Variants in ENTREP2 observed in about 807,000 individuals in gnomAD.
ENTREP2 encodes protein ENTREP2.
chr15:29,120,511 CT>C, the ENTREP2 span: 44 of 152,316 alleles, frequency 2.9e-4, no homozygotes, highest in Non-Finnish European at 6.0e-4. Flanking sequence ...ACCTGAAGTC[CT>C]TGCGGATGAT....
chr15:29,126,109 C>T, the ENTREP2 span, among the ~76,000 whole-genome samples: 1 of 152,046 alleles, frequency 6.6e-6, no homozygotes, highest in Non-Finnish European at 1.5e-5. Flanking sequence ...CTGCTCCCCA[C>T]CCACCCCTGG....
chr15:29,508,534 A>G, the ENTREP2 span, among the ~76,000 whole-genome samples: 1 of 152,216 alleles, frequency 6.6e-6, no homozygotes, highest in African/African-American at 2.4e-5. Flanking sequence ...GCAGCACATT[A>G]AAAAGCTTAT....
chr15:29,312,949 G>T, the ENTREP2 span, among the ~76,000 whole-genome samples: 1 of 152,180 alleles, frequency 6.6e-6, no homozygotes, highest in East Asian at 1.9e-4. Flanking sequence ...CAAAGGAAAA[G>T]TTCTCGAAGG....
At chr15:29,480,629 T>A in the ENTREP2 span, among the ~76,000 whole-genome samples, 1 of 152,098 alleles carries the variant, frequency 6.6e-6, no homozygotes, top group African/African-American at 2.4e-5. Flanking sequence ...CACTCTCCCA[T>A]GTCCCAGCAG....
the ENTREP2 span, among the ~76,000 whole-genome samples, chr15:29,163,990 G>C: frequency 6.6e-6 from 1 of 152,198 alleles, no homozygotes; most frequent in Non-Finnish European, 1.5e-5. Flanking sequence ...CTACAAGCTA[G>C]AAGGGATTGG....
the ENTREP2 span, among the ~76,000 whole-genome samples, chr15:29,176,434 A>G: frequency 1.8e-4 from 27 of 152,282 alleles, no homozygotes; most frequent in Non-Finnish European, 3.4e-4. Context: ...GATGGTGACA[A>G]TAATTTTAAG....
the ENTREP2 span, among the ~76,000 whole-genome samples, chr15:29,553,133 T>C: frequency 1.3e-5 from 2 of 152,156 alleles, no homozygotes; most frequent in African/African-American, 2.4e-5. Flanking sequence ...CCGTCTCTAC[T>C]AAAAATACAA....
the ENTREP2 span, among the ~76,000 whole-genome samples, chr15:29,615,822 G>GA: frequency 6.6e-6 from 1 of 152,034 alleles, no homozygotes; most frequent in African/African-American, 2.4e-5. Flanking sequence ...ATGGGAATTG[G>GA]AAAAAAATCC....
the ENTREP2 span, among the ~76,000 whole-genome samples, chr15:29,251,799 T>C: frequency 5.9e-5 from 9 of 151,674 alleles, no homozygotes; most frequent in Non-Finnish European, 8.8e-5. Context: ...GTGTATTTTA[T>C]GTGTGGCCCA....
At chr15:29,220,995 G>A in the ENTREP2 span, among the ~76,000 whole-genome samples, 2 of 152,064 alleles carry the variant, frequency 1.3e-5, no homozygotes, top group African/African-American at 2.4e-5. Flanking sequence ...GTGTGCCATC[G>A]TGAAGAGGGA....
chr15:29,368,042 G>T, the ENTREP2 span, among the ~76,000 whole-genome samples: 1 of 151,416 alleles, frequency 6.6e-6, no homozygotes, highest in Admixed American at 6.6e-5. Flanking sequence ...GTGATCCCTG[G>T]CCTGGCACAG....
At chr15:29,388,606 C>T in the ENTREP2 span, among the ~76,000 whole-genome samples, 1 of 152,124 alleles carries the variant, frequency 6.6e-6, no homozygotes, top group Non-Finnish European at 1.5e-5. Flanking sequence ...CCCAGACATC[C>T]CATTACTGGG....
chr15:29,288,034 G>A, the ENTREP2 span, among the ~76,000 whole-genome samples: 6 of 152,068 alleles, frequency 3.9e-5, no homozygotes, highest in Non-Finnish European at 7.4e-5. Flanking sequence ...AGGATCAATT[G>A]GATATTCATA....
chr15:29,552,908 G>A, the ENTREP2 span, among the ~76,000 whole-genome samples: 11 of 152,124 alleles, frequency 7.2e-5, no homozygotes, highest in African/African-American at 2.7e-4. Flanking sequence ...ACTAGATGTG[G>A]GCAGAACCTA....
the ENTREP2 span, among the ~76,000 whole-genome samples, chr15:29,378,799 G>A: frequency 8.0e-3 from 1,221 of 152,184 alleles, 14 homozygotes; most frequent in African/African-American, 0.027. Context: ...CTGTGTATGC[G>A]TGTGTATATC....
chr15:29,242,618 C>T, the ENTREP2 span, among the ~76,000 whole-genome samples: 1 of 152,190 alleles, frequency 6.6e-6, no homozygotes, highest in African/African-American at 2.4e-5. Context: ...AGTTGGGAGG[C>T]ACTCAGTGGT....
chr15:29,542,027 G>T, the ENTREP2 span, among the ~76,000 whole-genome samples: 681 of 152,190 alleles, frequency 4.5e-3, 3 homozygotes, highest in African/African-American at 0.015. Flanking sequence ...GGTTTGGTTT[G>T]GTTTGAGAGT....
chr15:29,423,635 A>C, the ENTREP2 span, among the ~76,000 whole-genome samples: 1 of 148,696 alleles, frequency 6.7e-6, no homozygotes, highest in Non-Finnish European at 1.5e-5. Context: ...AAAATACAAA[A>C]AAAAAAAAAA....
the ENTREP2 span, among the ~76,000 whole-genome samples, chr15:29,474,196 C>G: frequency 1.3e-5 from 2 of 152,194 alleles, no homozygotes; most frequent in Admixed American, 1.3e-4. Context: ...AAGCCTAAAT[C>G]ACCAAGTTTA....
Sources: gnomAD v4.1 joint callset for allele counts (sites outside exome capture counted in the v4.1 genomes callset) on GRCh38, gnomAD v4.1.1 for gene constraint, MANE v1.5 for transcripts, NCBI Gene and HGNC (gene_info 2026-07-23, HGNC 2026-07-21) for gene names.